Variants in FAM227A observed in about 807,000 individuals in gnomAD.
FAM227A encodes the protein family with sequence similarity 227 member A.
FAM227A carries 80 observed loss-of-function variants against 74.7 expected under a neutral mutation model. That is an observed-to-expected ratio of 1.07 (90% CI 0.89 to 1.29). The LOEUF is 1.29. FAM227A is among the 50% of genes most tolerant of loss of function. FAM227A has a pLI of 0.00. For synonymous variants in FAM227A, 237 were observed against 241.8 expected (o/e 0.98, Z 0.19); for missense variants, 654 against 683.4 (o/e 0.96, Z 0.48).
chr22:38,655,515 TAA>T (rs998889402), intron 1 of FAM227A, among the ~76,000 whole-genome samples: 1 of 144,396 alleles, frequency 6.9e-6, no homozygotes, highest in African/African-American at 2.5e-5. Flanking sequence ...GACTCTGTCT[TAA>T]AAAAAAAAAA....
At chr22:38,652,544 C>T (rs1049831562) in intron 1 of FAM227A, among the ~76,000 whole-genome samples, 24 of 147,126 alleles carry the variant, frequency 1.6e-4, no homozygotes, top group South Asian at 1.1e-3. Context: ...GCCGAGATCA[C>T]GCCACTGCAC....
chr22:38,613,578 C>T (rs1476465797), intron 11 of FAM227A, among the ~76,000 whole-genome samples: 9 of 149,414 alleles, frequency 6.0e-5, no homozygotes, highest in Non-Finnish European at 8.9e-5. Flanking sequence ...ACATATATAA[C>T]GGGGAAGGTG....
rs564989565 is a variant in FAM227A at position 38,626,308 on chromosome 22, G to A, written c.727-5C>T. 3.2e-4 allele frequency: 497 copies of A among 1,550,308 alleles called. No homozygotes were observed. The highest frequency in any genetic ancestry group is 3.9e-4 in the Non-Finnish European group (442 of 1,146,430). ...GCTGAGAAGTGATGGCAGCCTCTGC[G>A]GAGCAAGCCGAGCTCAGGCAACGTT... On this transcript the variant is annotated splice_polypyrimidine_tract_variant and splice_region_variant and intron_variant, in intron 8 of 16. Transcript: ENST00000535113.
chr22:38,602,451 C>A (rs1254102822), intron 13 of FAM227A, among the ~76,000 whole-genome samples: 1 of 150,710 alleles, frequency 6.6e-6, no homozygotes, highest in Non-Finnish European at 1.5e-5. Flanking sequence ...ATTTATAGAT[C>A]ATTTGGTCCA....
At chr22:38,632,132 C>G (rs552849964) in intron 6 of FAM227A, among the ~76,000 whole-genome samples, 2 of 152,040 alleles carry the variant, frequency 1.3e-5, no homozygotes, top group Non-Finnish European at 2.9e-5. Flanking sequence ...CTGAGGGGCA[C>G]TGAGGTTAGA....
intron 14 of FAM227A, among the ~76,000 whole-genome samples, chr22:38,598,955 T>C (rs1428106957): frequency 4.1e-5 from 6 of 145,578 alleles, no homozygotes; most frequent in Non-Finnish European, 9.1e-5. Flanking sequence ...CTTGTTTTCT[T>C]TCTTTTTTTT....
At chr22:38,631,616 G>GGC (rs766768644) in intron 6 of FAM227A, among the ~76,000 whole-genome samples, 11 of 152,164 alleles carry the variant, frequency 7.2e-5, no homozygotes, top group Admixed American at 6.5e-5. Flanking sequence ...CGTGTGCAGA[G>GGC]GCTATGGAAG....
chr22:38,599,919 C>T lies in FAM227A; in HGVS notation c.1224G>A (p.Ser408=), dbSNP rs1011880132. 60 of 1,537,930 alleles carry T rather than the reference C, an allele frequency of 3.9e-5. No homozygotes were observed. Among genetic ancestry groups the T allele is most frequent in the African/African-American group, 7.0e-5 (5 of 71,880 alleles). The change falls in exon 14 of 17, where the codon TCG becomes TCA. Residue 408 remains serine (S), a splice_region_variant and synonymous_variant. Transcript: ENST00000535113. The part of the protein sequence containing the change: ...RECENMFPKK[S]CAACKSPELT... ...GCTCAGGGCTTTTGCAGGCAGCACA[C>T]GACTAAGGATGAAAGAAAAAGGAAA...
In FAM227A at chr22:38,613,160, T is replaced by C. The variant is rs1418911826; in HGVS notation, c.1039-5684A>G. ...TAATATATATATTATATATTATATA[T>C]CTATGCTGTATATATATTATATATA... On this transcript the variant is annotated intron_variant, in intron 11 of 16. Coordinates refer to ENST00000535113, the MANE Select transcript of FAM227A (RefSeq NM_001013647.2). 3.4e-5 allele frequency among the ~76,000 whole-genome samples: 3 copies of C among 87,760 alleles called. No homozygotes were observed. In the East Asian group the frequency reaches 8.6e-4, roughly 25 times the overall value. 57.6% of individuals were successfully genotyped at this position (87,760 alleles called of 152,430 possible). A position where few individuals can be genotyped will look rare whatever the true frequency, so the allele number is the denominator to read the frequency against.
intron 6 of FAM227A, among the ~76,000 whole-genome samples, chr22:38,629,539 T>C (rs934239273): frequency 2.0e-5 from 3 of 152,272 alleles, no homozygotes; most frequent in Non-Finnish European, 4.4e-5. Context: ...TGGTAGGTAG[T>C]ACAGTTATCC....
chr22:38,640,908 A>G (rs907840434), intron 3 of FAM227A, among the ~76,000 whole-genome samples: 6 of 152,018 alleles, frequency 3.9e-5, no homozygotes, highest in Non-Finnish European at 7.4e-5. Flanking sequence ...GGGTGTGTGT[A>G]TGTGTGTGTG....
chr22:38,632,105 C>T (rs992780462), intron 6 of FAM227A, among the ~76,000 whole-genome samples: 64 of 151,998 alleles, frequency 4.2e-4, no homozygotes, highest in African/African-American at 1.4e-3. Flanking sequence ...AAAAGCAGAA[C>T]GGATGGGTAT....
At chr22:38,616,666 C>CA (rs1034004176) in intron 11 of FAM227A, among the ~76,000 whole-genome samples, 2,285 of 111,858 alleles carry the variant, frequency 0.02, 45 homozygotes, top group African/African-American at 0.054. Flanking sequence ...AACTCCATCT[C>CA]AAAAAAAAAA....
At chr22:38,590,120 A>C (rs932782716) in intron 16 of FAM227A, among the ~76,000 whole-genome samples, 2 of 151,688 alleles carry the variant, frequency 1.3e-5, no homozygotes, top group African/African-American at 4.8e-5. Flanking sequence ...AAACAAAAAA[A>C]CGAAAAAAAT....
intron 11 of FAM227A, among the ~76,000 whole-genome samples, chr22:38,613,254 C>G (rs188978529): frequency 1.5e-5 from 1 of 67,684 alleles, no homozygotes; most frequent in African/African-American, 6.5e-5. Context: ...TAATATATAA[C>G]ATATATTATA....
rs760840846 is a variant in FAM227A at position 38,649,879 on chromosome 22, AGAAAGAAAAG to A, written c.142+138_142+147del. The A allele has an allele frequency of 1.8e-3, 1,225 of 677,376 alleles. 6 individuals are homozygous for A. Among genetic ancestry groups the A allele is most frequent in the African/African-American group, 0.017 (893 of 52,790 alleles). 42.0% of individuals were successfully genotyped at this position (677,376 alleles called of 1,614,324 possible). The stretch of plus-strand genomic sequence containing the variant: ...TGAAACTCCATCTCAAAAAAAAAAA[AGAAAGAAAAG>A]AAAAGAAAAAATGAATGTATAAGGG... On this transcript the variant is annotated intron_variant, in intron 2 of 16. Transcript: ENST00000535113.
At chr22:38,635,968 GT>G (rs1163102059) in intron 6 of FAM227A, among the ~76,000 whole-genome samples, 1 of 151,332 alleles carries the variant, frequency 6.6e-6, no homozygotes, top group African/African-American at 2.4e-5. Context: ...TCCAGCCTGG[GT>G]ACAGAGGGAG....
At chr22:38,606,793 T>C (rs1178925501) in intron 12 of FAM227A, among the ~76,000 whole-genome samples, 2 of 152,186 alleles carry the variant, frequency 1.3e-5, no homozygotes, top group African/African-American at 4.8e-5. Flanking sequence ...GCAGTCATCA[T>C]GTCTTAAATT....
chr22:38,610,170 C>T (rs1017007508), intron 11 of FAM227A, among the ~76,000 whole-genome samples: 1 of 152,054 alleles, frequency 6.6e-6, no homozygotes, highest in African/African-American at 2.4e-5. Context: ...TGTACCACCA[C>T]ACCTGGCTAA....
Sources: gnomAD v4.1 joint callset for allele counts (sites outside exome capture counted in the v4.1 genomes callset) on GRCh38, gnomAD v4.1.1 for gene constraint, MANE v1.5 for transcripts, NCBI Gene and HGNC (gene_info 2026-07-23, HGNC 2026-07-21) for gene names.